PRKAR1A: variants seen among roughly 807,000 people sequenced by gnomAD.
The protein encoded by PRKAR1A is protein kinase cAMP-dependent type I regulatory subunit alpha.
Under a neutral mutation model 52.0 loss-of-function variants are expected in PRKAR1A, and 3 were observed. That is an observed-to-expected ratio of 0.06 (90% CI 0.03 to 0.15). The LOEUF (loss-of-function observed/expected upper bound fraction) is 0.15. Among genes scored for constraint, PRKAR1A ranks in the 10% least tolerant of loss-of-function variants. PRKAR1A has a pLI of 1.00. For synonymous variants in PRKAR1A, 188 were observed against 168.4 expected, an observed-to-expected ratio of 1.12 and a Z score of -0.90; for missense variants, 240 against 477.4, an observed-to-expected ratio of 0.50 and a Z score of 4.63.
the PRKAR1A span, among the ~76,000 whole-genome samples, chr17:68,486,487 TTCCTTCCTTCCTTCC>T: frequency 1.6e-4 from 10 of 61,452 alleles, no homozygotes; most frequent in Non-Finnish European, 9.8e-5. Context: ...CCTTCCTTCC[TTCCTTCCTTCCTTCC>T]TTCCTTCTTT....
chr17:68,542,141 T>C lies in PRKAR1A; in HGVS notation c.974-8943T>C, dbSNP rs772399767. On this transcript the variant is annotated intron_variant, in intron 11 of 11. Coordinates refer to the PRKAR1A transcript ENST00000585981. ...CTCCGTCTTGCACATGTATGGACACTTGGCGAAGAAGCACACGTTGCTCGC... is the reference window on the plus strand; with the variant it reads ...CTCCGTCTTGCACATGTATGGACACCTGGCGAAGAAGCACACGTTGCTCGC... The C allele has an allele frequency of 1.9e-6, 3 of 1,614,000 alleles. No homozygotes were observed. Among genetic ancestry groups the C allele is most frequent in the Non-Finnish European group, 2.5e-6 (3 of 1,180,010 alleles).
chr17:68,438,915 TA>T, the PRKAR1A span, among the ~76,000 whole-genome samples: 1 of 152,196 alleles, frequency 6.6e-6, no homozygotes, highest in African/African-American at 2.4e-5. Flanking sequence ...CATATGTTTT[TA>T]AAAAGGCTGT....
the PRKAR1A span, among the ~76,000 whole-genome samples, chr17:68,475,250 A>G: frequency 6.6e-6 from 1 of 152,220 alleles, no homozygotes; most frequent in Non-Finnish European, 1.5e-5. Context: ...GGAAACATGG[A>G]AAGAATTTCC....
chr17:68,544,969 C>T (rs1008166624), intron 11 of PRKAR1A, among the ~76,000 whole-genome samples: 3 of 152,172 alleles, frequency 2.0e-5, no homozygotes, highest in Admixed American at 6.5e-5. Flanking sequence ...CACTAATGCA[C>T]GTCTCATTGC....
chr17:68,459,964 G>A, the PRKAR1A span, among the ~76,000 whole-genome samples: 2 of 151,834 alleles, frequency 1.3e-5, no homozygotes, highest in East Asian at 3.9e-4. Flanking sequence ...GGGACTTCAG[G>A]CCCCCGCCAC....
chr17:68,426,995 G>A, the PRKAR1A span: 1 of 691,744 alleles, frequency 1.4e-6, no homozygotes, highest in South Asian at 1.8e-5. Context: ...TCCACCCCCA[G>A]GTAACAGTGA....
chr17:68,469,585 C>T, the PRKAR1A span, among the ~76,000 whole-genome samples: 1 of 150,996 alleles, frequency 6.6e-6, no homozygotes, highest in Non-Finnish European at 1.5e-5. Flanking sequence ...TCATACAAAA[C>T]TTTCCATCAT....
chr17:68,528,726 G>A (rs895123625), intron 8 of PRKAR1A, 144 bp from the exon 9 acceptor site: 1 of 1,092,558 alleles, frequency 9.2e-7, no homozygotes. Context: ...AGAGGTAATT[G>A]AAGACAGGTA....
the PRKAR1A span, chr17:68,440,940 T>C: frequency 1.3e-5 from 2 of 152,264 alleles, no homozygotes; most frequent in African/African-American, 4.8e-5. Context: ...AAATGCCCTA[T>C]GCTCCTACAA....
At position 68,532,607 on chromosome 17, in the gene PRKAR1A, AGATTTAC is replaced by A. The variant is rs2086006707; in HGVS notation, c.*2159_*2165del. On this transcript the variant is annotated 3_prime_UTR_variant, in exon 11 of 11. Transcript: ENST00000589228. Reference sequence around the variant, plus strand: ...CCTGGGCTTGGTAAGTGAATTTATGAGATTTACTGCTCTAGAAAGTATAGATGGCCAA... The same window carrying A: ...CCTGGGCTTGGTAAGTGAATTTATGATGCTCTAGAAAGTATAGATGGCCAA... The A allele has an allele frequency of 1.9e-6, 2 of 1,066,120 alleles. No homozygotes were observed. The highest frequency in any genetic ancestry group is 3.3e-5 in the African/African-American group (2 of 61,116). The allele number at this position is 1,066,120 out of a possible 1,614,324, so 66.0% of individuals were successfully genotyped here.
At chr17:68,467,693 C>T in the PRKAR1A span, among the ~76,000 whole-genome samples, 1 of 152,152 alleles carries the variant, frequency 6.6e-6, no homozygotes, top group Non-Finnish European at 1.5e-5. Context: ...TTCAAGAACT[C>T]GATATCTGAA....
the PRKAR1A span, among the ~76,000 whole-genome samples, chr17:68,452,132 T>C: frequency 4.8e-4 from 73 of 152,394 alleles, no homozygotes; most frequent in Non-Finnish European, 8.7e-4. Context: ...TAGTGAATTA[T>C]TTACAGTGTT....
chr17:68,415,566 G>C, the PRKAR1A span, among the ~76,000 whole-genome samples: 1 of 152,150 alleles, frequency 6.6e-6, no homozygotes, highest in African/African-American at 2.4e-5. Context: ...TAAATCCATT[G>C]TTTCTTTGTT....
At chr17:68,464,217 A>G in the PRKAR1A span, among the ~76,000 whole-genome samples, 1 of 152,140 alleles carries the variant, frequency 6.6e-6, no homozygotes, top group African/African-American at 2.4e-5. Flanking sequence ...GACCCACTCG[A>G]TTTCTCCACT....
At chr17:68,465,888 G>C in the PRKAR1A span, among the ~76,000 whole-genome samples, 1 of 152,066 alleles carries the variant, frequency 6.6e-6, no homozygotes, top group Non-Finnish European at 1.5e-5. Flanking sequence ...GGCGAGTGAT[G>C]GGGGCAGAGA....
At chr17:68,423,546 C>G in the PRKAR1A span, among the ~76,000 whole-genome samples, 894 of 152,332 alleles carry the variant, frequency 5.9e-3, 4 homozygotes, top group Non-Finnish European at 9.6e-3. The surrounding 1 kb of genome is among the most constrained non-coding windows in gnomAD (Gnocchi z 4.4). Context: ...AGTGACCACT[C>G]TCACTGGCAG....
intron 3 of PRKAR1A, among the ~76,000 whole-genome samples, chr17:68,523,192 T>C (rs1439245404): frequency 6.6e-6 from 1 of 152,206 alleles, no homozygotes; most frequent in Non-Finnish European, 1.5e-5. Context: ...GTGGGCGGTA[T>C]TGCTTTTTCT....
chr17:68,420,068 C>T, the PRKAR1A span: 1 of 1,131,408 alleles, frequency 8.8e-7, no homozygotes, highest in East Asian at 2.4e-5. Context: ...AGAGAGCCAT[C>T]ATTGGAACAT....
chr17:68,548,332 C>T (rs2143605866), intron 11 of PRKAR1A, among the ~76,000 whole-genome samples: 1 of 152,210 alleles, frequency 6.6e-6, no homozygotes, highest in Middle Eastern at 3.4e-3. Context: ...GAGTTCGAGA[C>T]CAGCCTGGCC....
Sources: gnomAD v4.1 joint callset for allele counts (sites outside exome capture counted in the v4.1 genomes callset) on GRCh38, gnomAD v4.1.1 for gene constraint, Gnocchi (gnomAD v3.1) non-coding constraint, MANE v1.5 for transcripts, NCBI Gene and HGNC (gene_info 2026-07-23, HGNC 2026-07-21) for gene names.